The following XKR6 variants were observed in gnomAD, a reference collection of about 807,000 sequenced individuals.
XKR6 encodes XK-related protein 6.
XKR6 carries 22 observed loss-of-function variants against 56.7 expected under a neutral mutation model. The ratio of observed to expected loss-of-function variants is 0.39; its 90% CI spans 0.28 to 0.55. XKR6 has a LOEUF of 0.55. Ranked by LOEUF, XKR6 falls within the 20% of genes least tolerant of loss-of-function variation. The probability of loss-of-function intolerance (pLI) is 0.66; values close to 1 mark genes in which losing one functional copy is unlikely to be tolerated. For missense variants in XKR6, 852 were observed against 889.0 expected (o/e 0.96, Z 0.53); for synonymous variants, 524 against 387.8 (o/e 1.35, Z -4.13).
At chr8:11,014,714 CCT>C (rs1798579703) in intron 1 of XKR6, among the ~76,000 whole-genome samples, 1 of 152,180 alleles carries the variant, frequency 6.6e-6, no homozygotes, top group Non-Finnish European at 1.5e-5. Context: ...CAGCGTGGAT[CCT>C]CTGTTAGTCA....
intron 2 of XKR6, among the ~76,000 whole-genome samples, chr8:10,907,727 G>C (rs1563281304): frequency 1.3e-5 from 2 of 152,216 alleles, no homozygotes; most frequent in Non-Finnish European, 2.9e-5. Flanking sequence ...TTATACATCA[G>C]TTTCTTATTA....
At chr8:11,117,762 GA>G (rs1348976683) in intron 1 of XKR6, among the ~76,000 whole-genome samples, 1 of 151,822 alleles carries the variant, frequency 6.6e-6, no homozygotes, top group Non-Finnish European at 1.5e-5. Flanking sequence ...CATAAACTGA[GA>G]AAAAATTCTA....
rs772356333 is a variant in XKR6, at chr8:11,201,575, C to A, written c.-236G>T. On this transcript the variant is annotated 5_prime_UTR_variant, in exon 1 of 3. Coordinates refer to ENST00000416569, the MANE Select transcript of XKR6 (RefSeq NM_173683.4). ...CGGCGCCCGCAGCTCCCCAGCCCTA[C>A]CCTCCCGGCCAAGATGGCCGCCCTC... Among the ~76,000 whole-genome samples, 5 of 152,132 alleles carry A rather than the reference C, an allele frequency of 3.3e-5. No individual in the cohort carries two copies. The highest frequency in any genetic ancestry group is 7.4e-5 in the Non-Finnish European group (5 of 68,006).
chr8:11,030,439 G>A (rs1434854486), intron 1 of XKR6, among the ~76,000 whole-genome samples: 1 of 152,182 alleles, frequency 6.6e-6, no homozygotes, highest in East Asian at 1.9e-4. Flanking sequence ...CTCCAGTGAG[G>A]AGGTGTCCAG....
intron 1 of XKR6, among the ~76,000 whole-genome samples, chr8:11,112,211 T>C (rs1798929132): frequency 6.6e-6 from 1 of 152,242 alleles, no homozygotes; most frequent in Admixed American, 6.5e-5. Flanking sequence ...TTAAAAGTTG[T>C]CATCATGGTG....
Position 11,201,133 on chromosome 8 carries a change from G to A in XKR6, c.207C>T (p.Cys69=). Residue 69 remains cysteine, a synonymous_variant, in exon 1 of 3, where the codon TGC becomes TGT. Coordinates refer to ENST00000416569, the MANE Select transcript of XKR6 (RefSeq NM_173683.4). ...GGAGGGAGCGCAGGCAGGCGGAGCG[G>A]CAGCCCCAGTAGCACGAGGAGGTGT... ...CCNTSSCYWG[C]RSACLRSLLG... The A allele has an allele frequency of 6.6e-7, 1 of 1,514,016 alleles. No individual in the cohort carries two copies. Among genetic ancestry groups the A allele is most frequent in the Non-Finnish European group, 8.8e-7 (1 of 1,138,370 alleles). The allele number at this position is 1,514,016 out of a possible 1,614,324, so 93.8% of individuals were successfully genotyped here.
At chr8:11,124,614 A>C (rs2116867815) in intron 1 of XKR6, 1 of 153,316 alleles carries the variant, frequency 6.5e-6, no homozygotes, top group African/African-American at 2.4e-5. Flanking sequence ...AGGCGAACAG[A>C]AATTAAGAAG....
chr8:10,984,730 CTCTA>C (rs1459301788), intron 1 of XKR6, among the ~76,000 whole-genome samples: 472 of 63,608 alleles, frequency 7.4e-3, no homozygotes, highest in Middle Eastern at 0.011. Context: ...CTCTCTCTCT[CTCTA>C]TATATATATA....
At chr8:11,142,477 T>A (rs1445789565) in intron 1 of XKR6, among the ~76,000 whole-genome samples, 1 of 152,200 alleles carries the variant, frequency 6.6e-6, no homozygotes, top group Non-Finnish European at 1.5e-5. Context: ...TGCGGCCTGG[T>A]GGGAGGTGTT....
At chr8:11,082,305 T>C (rs1477804589) in intron 1 of XKR6, among the ~76,000 whole-genome samples, 2 of 152,208 alleles carry the variant, frequency 1.3e-5, no homozygotes, top group East Asian at 3.9e-4. Context: ...CTCAATATCA[T>C]GTGCAATCAC....
intron 1 of XKR6, among the ~76,000 whole-genome samples, chr8:11,134,421 C>A (rs1563162999): frequency 6.6e-6 from 1 of 152,148 alleles, no homozygotes; most frequent in Non-Finnish European, 1.5e-5. Context: ...GCATCATACA[C>A]TGTTGGACAA....
At chr8:10,936,216 TTGCAACCCC>T (rs1239693129) in intron 1 of XKR6, among the ~76,000 whole-genome samples, 1 of 151,008 alleles carries the variant, frequency 6.6e-6, no homozygotes, top group Non-Finnish European at 1.5e-5. Context: ...GAGAGTAGGA[TTGCAACCCC>T]TGCCTTTTTT....
At chr8:11,034,435 G>T (rs1196079593) in intron 1 of XKR6, among the ~76,000 whole-genome samples, 1 of 152,170 alleles carries the variant, frequency 6.6e-6, no homozygotes, top group South Asian at 2.1e-4. Context: ...AGCTGCATGT[G>T]TCTAGAGCTC....
intron 1 of XKR6, among the ~76,000 whole-genome samples, chr8:11,022,392 C>A (rs1462591879): frequency 6.6e-6 from 1 of 152,074 alleles, no homozygotes; most frequent in Admixed American, 6.5e-5. Flanking sequence ...TGCAGCGACC[C>A]AAAACTCTCT....
At chr8:11,126,487 G>A (rs1052409331) in intron 1 of XKR6, among the ~76,000 whole-genome samples, 2 of 152,012 alleles carry the variant, frequency 1.3e-5, no homozygotes, top group African/African-American at 4.8e-5. Flanking sequence ...AAAAGCGAAT[G>A]TGTCATTAGT....
chr8:10,964,222 T>G (rs561119347), intron 1 of XKR6, among the ~76,000 whole-genome samples: 20 of 152,288 alleles, frequency 1.3e-4, no homozygotes, highest in Middle Eastern at 3.4e-3. Context: ...GATTGGACTG[T>G]GGTTGTGGGA....
intron 1 of XKR6, among the ~76,000 whole-genome samples, chr8:10,928,367 G>T (rs1442471984): frequency 6.6e-6 from 1 of 152,202 alleles, no homozygotes; most frequent in Non-Finnish European, 1.5e-5. Flanking sequence ...GCTTTACCTG[G>T]TGTCTGTCTC....
chr8:11,176,052 G>A (rs767081609), intron 1 of XKR6, among the ~76,000 whole-genome samples: 117 of 152,276 alleles, frequency 7.7e-4, no homozygotes, highest in Non-Finnish European at 1.4e-3. Flanking sequence ...TAAAGCAAAT[G>A]ACCTTGTGAA....
chr8:10,901,804 C>A (rs1168601990), intron 2 of XKR6, among the ~76,000 whole-genome samples: 1 of 152,220 alleles, frequency 6.6e-6, no homozygotes, highest in East Asian at 1.9e-4. Flanking sequence ...CAGTTCTAAG[C>A]ATGCTTTGAG....
Sources: gnomAD v4.1 joint callset for allele counts (sites outside exome capture counted in the v4.1 genomes callset) on GRCh38, gnomAD v4.1.1 for gene constraint, MANE v1.5 for transcripts, NCBI Gene and HGNC (gene_info 2026-07-23, HGNC 2026-07-21) for gene names.